EIF4G3: variants seen among roughly 807,000 people sequenced by gnomAD.
EIF4G3 encodes eIF-4-gamma 3.
Under a neutral mutation model 186.4 loss-of-function variants are expected in EIF4G3, and 34 were observed. That is an observed-to-expected ratio of 0.18 (90% confidence interval 0.14 to 0.24). The LOEUF (loss-of-function observed/expected upper bound fraction) is 0.24. Ranked by LOEUF, EIF4G3 falls within the 10% of genes least tolerant of loss-of-function variation. The pLI, the probability that EIF4G3 is intolerant of heterozygous loss-of-function variation, is 1.00. For synonymous variants in EIF4G3, 673 were observed against 679.5 expected, an observed-to-expected ratio of 0.99 and a Z score of 0.15; for missense variants, 1,536 against 1,948.5, an observed-to-expected ratio of 0.79 and a Z score of 3.99.
intron 2 of EIF4G3, among the ~76,000 whole-genome samples, chr1:21,092,070 A>G (rs2096223672): frequency 6.6e-6 from 1 of 152,160 alleles, no homozygotes; most frequent in Non-Finnish European, 1.5e-5. Context: ...GTCTTGCGCC[A>G]GTTTTCAAAG....
At chr1:20,822,296 C>CT (rs1185376849) in intron 33 of EIF4G3, among the ~76,000 whole-genome samples, 1 of 146,130 alleles carries the variant, frequency 6.8e-6, no homozygotes. Flanking sequence ...TCTTTTCAAA[C>CT]TTTTTTTCAC....
intron 12 of EIF4G3, among the ~76,000 whole-genome samples, chr1:20,958,025 G>C (rs1486581304): frequency 1.3e-5 from 2 of 152,124 alleles, no homozygotes; most frequent in Admixed American, 6.5e-5. Flanking sequence ...CTGGGAAAGA[G>C]AGAATCCTCC....
intron 10 of EIF4G3, among the ~76,000 whole-genome samples, chr1:20,978,440 T>A (rs1012370300): frequency 6.6e-6 from 1 of 152,214 alleles, no homozygotes; most frequent in African/African-American, 2.4e-5. Context: ...AATGTAGTAT[T>A]AATCCCTTTT....
chr1:21,140,314 AT>A (rs1009907530), intron 2 of EIF4G3, among the ~76,000 whole-genome samples: 13 of 150,494 alleles, frequency 8.6e-5, no homozygotes, highest in Admixed American at 6.0e-4. Context: ...GCATGGGCAA[AT>A]TTTTTTTTTC....
chr1:20,952,390 G>C (rs1311477211), intron 12 of EIF4G3, among the ~76,000 whole-genome samples: 1 of 152,068 alleles, frequency 6.6e-6, no homozygotes, highest in Admixed American at 6.6e-5. Context: ...TCCTGACCTT[G>C]TGATCCGCCT....
intron 2 of EIF4G3, chr1:21,111,319 T>A (rs1455459193): frequency 2.1e-6 from 1 of 471,244 alleles, no homozygotes; most frequent in Non-Finnish European, 4.4e-6. Context: ...GCCAGCTAGA[T>A]TACCTTGGGA....
At chr1:20,914,382 AAC>A (rs988758766) in intron 14 of EIF4G3, among the ~76,000 whole-genome samples, 33 of 152,086 alleles carry the variant, frequency 2.2e-4, no homozygotes, top group Admixed American at 1.2e-3. Context: ...AGGTAGGAGA[AAC>A]ACAGAGAGAT....
chr1:21,089,815 G>A (rs146238571), intron 2 of EIF4G3, among the ~76,000 whole-genome samples: 2 of 150,718 alleles, frequency 1.3e-5, no homozygotes, highest in Non-Finnish European at 2.9e-5. Context: ...TACAGAATTT[G>A]AATTCAAAGA....
At chr1:21,148,705 T>TAAAA (rs765374275) in intron 2 of EIF4G3, among the ~76,000 whole-genome samples, 3 of 108,962 alleles carry the variant, frequency 2.8e-5, no homozygotes, top group Non-Finnish European at 3.6e-5. Flanking sequence ...CTGTCTCATT[T>TAAAA]AAAAAAAAAA....
Position 20,980,346 on chromosome 1 carries a change from G to A in EIF4G3, c.481C>T (p.Pro161Ser). ...TTTTCCTACTTACCATAAGCATTGG[G>A]GAAGTCCCCAGGTCCTGGTCCAGGA... ...FYPGPGPGDF[P>S]NAYGTPFYPS... Residue 161 changes from proline (P) to serine (S), a missense_variant, in exon 10 of 37, where the codon CCC becomes TCC. By Grantham distance (74) the Pro-to-Ser change is moderately conservative. Transcript: ENST00000602326. 6.4e-7 allele frequency: 1 copy of A among 1,550,938 alleles called. No individual in the cohort carries two copies. The highest frequency in any genetic ancestry group is 1.2e-5 in the South Asian group (1 of 80,732).
intron 16 of EIF4G3, among the ~76,000 whole-genome samples, chr1:20,896,501 A>G (rs2088168743): frequency 6.6e-6 from 1 of 151,902 alleles, no homozygotes; most frequent in African/African-American, 2.4e-5. Flanking sequence ...ATAGCTATAC[A>G]GTGTGTTTTA....
intron 16 of EIF4G3, among the ~76,000 whole-genome samples, chr1:20,897,646 C>T (rs758717866): frequency 7.9e-5 from 12 of 152,004 alleles, no homozygotes; most frequent in Admixed American, 2.0e-4. Flanking sequence ...GTTATAGACC[C>T]GCTGATGGGT....
chr1:21,147,846 T>C (rs958667217), intron 2 of EIF4G3, among the ~76,000 whole-genome samples: 5 of 152,150 alleles, frequency 3.3e-5, no homozygotes, highest in African/African-American at 1.2e-4. Context: ...CTGATAAAAG[T>C]AGAGTAGACC....
At chr1:21,161,837 G>A (rs988066145) in intron 2 of EIF4G3, among the ~76,000 whole-genome samples, 6 of 151,592 alleles carry the variant, frequency 4.0e-5, no homozygotes, top group African/African-American at 9.7e-5. Flanking sequence ...GCATGGTGGC[G>A]AGTGCCTGTA....
intron 2 of EIF4G3, among the ~76,000 whole-genome samples, chr1:21,127,961 T>C (rs2097079748): frequency 6.6e-6 from 1 of 152,046 alleles, no homozygotes; most frequent in African/African-American, 2.4e-5. Context: ...TCCCAGCACT[T>C]TGGGAAGCTG....
chr1:20,918,886 T>G (rs1178308425), intron 14 of EIF4G3, among the ~76,000 whole-genome samples: 1 of 151,952 alleles, frequency 6.6e-6, no homozygotes, highest in Non-Finnish European at 1.5e-5. Flanking sequence ...ATTGTCAGAT[T>G]TGGTTCCACA....
At chr1:21,004,904 G>C (rs1248467999) in intron 4 of EIF4G3, among the ~76,000 whole-genome samples, 1 of 151,988 alleles carries the variant, frequency 6.6e-6, no homozygotes, top group East Asian at 1.9e-4. Flanking sequence ...CTCTGTAGCT[G>C]ACACTAAGGT....
intron 3 of EIF4G3, among the ~76,000 whole-genome samples, chr1:21,067,179 G>A (rs1269365450): frequency 1.4e-5 from 2 of 147,844 alleles, no homozygotes; most frequent in African/African-American, 5.0e-5. Flanking sequence ...ATCACCTAGG[G>A]TGGATTGCAA....
At position 20,853,685 on chromosome 1, in the gene EIF4G3, T is replaced by C. The variant is rs749875234; in HGVS notation, c.3434-8A>G. Reference sequence around the variant, plus strand: ...CACTTGACCGTAAGGCATCTACACATGTCGAGGATTTAGAAAAAAATACAA... The same window carrying C: ...CACTTGACCGTAAGGCATCTACACACGTCGAGGATTTAGAAAAAAATACAA... On this transcript the variant is annotated splice_region_variant and splice_polypyrimidine_tract_variant and intron_variant, in intron 26 of 36. Coordinates refer to ENST00000602326, the MANE Select transcript of EIF4G3 (RefSeq NM_001391906.1). The C allele has an allele frequency of 5.6e-6, 9 of 1,596,974 alleles. No homozygotes were observed. Among genetic ancestry groups the C allele is most frequent in the Non-Finnish European group, 7.7e-6 (9 of 1,165,104 alleles).
Sources: allele counts gnomAD v4.1 joint callset (sites outside exome capture counted in the v4.1 genomes callset), GRCh38; gene constraint gnomAD v4.1.1; transcripts MANE v1.5; gene names NCBI Gene and HGNC (gene_info 2026-07-23, HGNC 2026-07-21).